The following GBF1 variants were observed in gnomAD, a reference collection of about 807,000 sequenced individuals.
GBF1 encodes Golgi-specific brefeldin A-resistance guanine nucleotide exchange factor 1.
GBF1 carries 114 observed loss-of-function variants against 210.5 expected under a neutral mutation model. The ratio of observed to expected loss-of-function variants is 0.54; its 90% CI spans 0.47 to 0.63. The LOEUF (loss-of-function observed/expected upper bound fraction) is 0.63. Among genes scored for constraint, GBF1 ranks in the 30% least tolerant of loss-of-function variants. The pLI is 0.00. For synonymous variants in GBF1, 850 were observed against 889.2 expected (o/e 0.96, Z 0.78); for missense variants, 1,851 against 2,357.7 (o/e 0.79, Z 4.45).
At chr10:102,311,758 C>T (rs2078457138) in intron 3 of GBF1, among the ~76,000 whole-genome samples, 1 of 152,178 alleles carries the variant, frequency 6.6e-6, no homozygotes, top group African/African-American at 2.4e-5. Context: ...TATTCCTATG[C>T]CCCATGAATT....
rs539477736 is a variant in GBF1 at position 102,319,239 on chromosome 10, G to A, written c.164-24812G>A. Among the ~76,000 whole-genome samples, 3 of 152,176 alleles carry A rather than the reference G, an allele frequency of 2.0e-5. No homozygotes were observed. In the South Asian group the frequency reaches 6.2e-4, roughly 32 times the overall value. ...AGAGGCTAAGGCAGGAGAATGGCAT[G>A]AACCCGGGAGGCGGAGCTTGCAGTG... On this transcript the variant is annotated intron_variant, in intron 3 of 39. Transcript: ENST00000369983.
At chr10:102,361,187 G>A (rs1028316760) in intron 13 of GBF1, 67 bp downstream of exon 13, 1 of 848,824 alleles carries the variant, frequency 1.2e-6, no homozygotes, top group Non-Finnish European at 2.1e-6. Context: ...TCTTCAGTGG[G>A]GCCAGCTCTA....
chr10:102,320,468 T>C (rs997443588), intron 3 of GBF1, among the ~76,000 whole-genome samples: 3 of 152,192 alleles, frequency 2.0e-5, no homozygotes, highest in African/African-American at 7.2e-5. Flanking sequence ...TATTAGTTCC[T>C]CAATAATTTC....
chr10:102,358,822 G>C (rs1244149599), intron 10 of GBF1, 93 bp downstream of exon 10: 5 of 778,068 alleles, frequency 6.4e-6, no homozygotes, highest in Non-Finnish European at 1.1e-5. Context: ...TGGCTCGAAA[G>C]AAGCTTGGGG....
intron 3 of GBF1, among the ~76,000 whole-genome samples, chr10:102,273,004 A>G (rs1196051987): frequency 1.3e-5 from 2 of 152,152 alleles, no homozygotes; most frequent in Admixed American, 1.3e-4. Context: ...GCTTTCTGGT[A>G]CAATCAACCA....
At chr10:102,288,731 A>G (rs1026687887) in intron 3 of GBF1, among the ~76,000 whole-genome samples, 1 of 145,926 alleles carries the variant, frequency 6.9e-6, no homozygotes, top group African/African-American at 2.5e-5. Context: ...GGAAAAAAAA[A>G]AAAACAAAAA....
At position 102,365,480 on chromosome 10, in the gene GBF1, C is replaced by G. The variant is rs533175104; in HGVS notation, c.2190C>G (p.Ile730Met). The G allele has an allele frequency of 1.2e-6, 2 of 1,613,810 alleles. No homozygotes were observed. Among genetic ancestry groups the G allele is most frequent in the African/African-American group, 2.7e-5 (2 of 75,044 alleles). ...TGCAAGAGAAAGGCCTCCTCACCAT[C>G]CCAATGGACAACACAGAGGTTGCTC... ...QFLQEKGLLT[I>M]PMDNTEVAQW... is the part of the protein sequence containing the mutation. The change falls in exon 18 of 40, where the codon ATC becomes ATG. Residue 730 changes from isoleucine (I) to methionine (M), a missense_variant. Physicochemically the swap from Ile to Met is conservative, Grantham distance 10. Around this residue, in one of 3 missense-constraint regions of GBF1, gnomAD observed 804 missense variants for 958.6 expected, o/e 0.84. Coordinates refer to ENST00000369983, the MANE Select transcript of GBF1 (RefSeq NM_001377137.1).
intron 4 of GBF1, among the ~76,000 whole-genome samples, chr10:102,346,507 A>C (rs1246398681): frequency 6.6e-6 from 1 of 152,040 alleles, no homozygotes; most frequent in Non-Finnish European, 1.5e-5. Flanking sequence ...GTAAAAAATG[A>C]TATTTTGTTT....
intron 3 of GBF1, among the ~76,000 whole-genome samples, chr10:102,262,956 A>G (rs548388336): frequency 6.6e-6 from 1 of 152,242 alleles, no homozygotes; most frequent in East Asian, 1.9e-4. Context: ...GAGGGAAGGG[A>G]GTAGTGTTTT....
In GBF1 at chr10:102,358,668, A is replaced by G. The variant is rs990705544; in HGVS notation, c.950A>G (p.Tyr317Cys). 1 of 1,614,086 alleles carries G rather than the reference A, an allele frequency of 6.2e-7. No individual in the cohort carries two copies. The highest frequency in any genetic ancestry group is 1.3e-5 in the African/African-American group (1 of 74,950). Residue 317 changes from tyrosine (Y) to cysteine (C), a missense_variant, in exon 10 of 40, where the codon TAC becomes TGC. Tyr to Cys is a radical substitution (Grantham distance 194). Transcript: ENST00000369983. ...CTAGAGCAACCTGGCTCTCCAGGGT[A>G]CAGCACAGCTACAGAGCCTGGAAGC... is the stretch of plus-strand genomic sequence containing the variant. ...TDLEQPGSPG[Y>C]STATEPGSSE...
chr10:102,354,571 T>C (rs3802681), intron 8 of GBF1, among the ~76,000 whole-genome samples: 51,936 of 152,026 alleles, frequency 0.34, 9,234 homozygotes, highest in South Asian at 0.48. Flanking sequence ...CACAACTTAC[T>C]CCTCCCTAGT....
At chr10:102,280,725 AG>A (rs1197387796) in intron 3 of GBF1, among the ~76,000 whole-genome samples, 2 of 152,198 alleles carry the variant, frequency 1.3e-5, no homozygotes, top group East Asian at 3.8e-4. Context: ...AGCATGGATT[AG>A]TGTGTAGTGA....
Position 102,361,849 on chromosome 10 carries a change from C to T in GBF1, c.1623C>T (p.Ile541=), listed in dbSNP as rs2059619487. 5 of 1,613,780 alleles carry T rather than the reference C, an allele frequency of 3.1e-6. No homozygotes were observed. Among genetic ancestry groups the T allele is most frequent in the Non-Finnish European group, 4.2e-6 (5 of 1,179,790 alleles). ...RIPSFVTELY[I]NYDCDYYCSN... ...CCAGCTTTGTCACAGAGCTCTACAT[C>T]AACTATGATTGTGACTACTACTGTT... Residue 541 remains isoleucine (I), a synonymous_variant, in exon 14 of 40, where the codon ATC becomes ATT. Coordinates refer to ENST00000369983, the MANE Select transcript of GBF1 (RefSeq NM_001377137.1).
At chr10:102,313,427 G>T (rs1028363241) in intron 3 of GBF1, among the ~76,000 whole-genome samples, 2 of 152,190 alleles carry the variant, frequency 1.3e-5, no homozygotes, top group African/African-American at 2.4e-5. Context: ...AGGAGAAGAT[G>T]GAGAGGGCTA....
chr10:102,269,514 C>T (rs1221150932), intron 3 of GBF1, among the ~76,000 whole-genome samples: 2 of 152,086 alleles, frequency 1.3e-5, no homozygotes, highest in African/African-American at 4.8e-5. Context: ...ATCAAAAGCA[C>T]TTCAGTGTTA....
chr10:102,319,215 G>A (rs751087268), intron 3 of GBF1, among the ~76,000 whole-genome samples: 5 of 152,170 alleles, frequency 3.3e-5, no homozygotes, highest in African/African-American at 1.2e-4. Flanking sequence ...AGCTACTCGA[G>A]AGGCTAAGGC....
intron 3 of GBF1, among the ~76,000 whole-genome samples, chr10:102,289,657 G>A (rs1024096662): frequency 6.6e-6 from 1 of 152,182 alleles, no homozygotes; most frequent in African/African-American, 2.4e-5. Flanking sequence ...ATTTACTGGC[G>A]TAGTAGACAA....
At chr10:102,373,912 A>G (rs970192831) in intron 29 of GBF1, among the ~76,000 whole-genome samples, 1 of 152,270 alleles carries the variant, frequency 6.6e-6, no homozygotes, top group Non-Finnish European at 1.5e-5. Flanking sequence ...ACTGTGGTAC[A>G]TACACACCAT....
intron 7 of GBF1, among the ~76,000 whole-genome samples, chr10:102,352,987 G>C (rs1565147752): frequency 2.6e-5 from 4 of 152,108 alleles, no homozygotes; most frequent in Non-Finnish European, 5.9e-5. Context: ...CTTTGGTAAG[G>C]CCCTTAGCCT....
Sources: gnomAD v4.1 joint callset for allele counts (sites outside exome capture counted in the v4.1 genomes callset) on GRCh38, gnomAD v4.1.1 for gene constraint, gnomAD v4.1.1 regional missense constraint, MANE v1.5 for transcripts, NCBI Gene and HGNC (gene_info 2026-07-23, HGNC 2026-07-21) for gene names.